The following KIF5C variants were observed in gnomAD, a reference collection of about 807,000 sequenced individuals.
The protein encoded by KIF5C is kinesin family member 5C, also known as kinesin heavy chain isoform 5C.
In KIF5C, 18 loss-of-function variants were observed where a neutral mutation model predicts 125.2. That is an observed-to-expected ratio of 0.14 (90% CI 0.10 to 0.21). The LOEUF is 0.21. Among genes scored for constraint, KIF5C ranks in the 10% least tolerant of loss-of-function variants. The probability of loss-of-function intolerance (pLI) is 1.00; values close to 1 mark genes in which losing one functional copy is unlikely to be tolerated. For synonymous variants in KIF5C, 405 were observed against 434.0 expected (o/e 0.93, Z 0.83); for missense variants, 780 against 1,183.8 (o/e 0.66, Z 5.01).
chr2:149,012,413 A>G (rs1682235530), intron 25 of KIF5C, among the ~76,000 whole-genome samples: 1 of 152,204 alleles, frequency 6.6e-6, no homozygotes, highest in Admixed American at 6.5e-5. Flanking sequence ...GACTTTGAAC[A>G]TGCAGATGGG....
At chr2:148,998,149 G>C (rs912973318) in intron 18 of KIF5C, 8 of 550,418 alleles carry the variant, frequency 1.5e-5, no homozygotes, top group Admixed American at 3.2e-5. Context: ...AAGGTCAAGG[G>C]AACACTTTTT....
chr2:148,895,057 C>G (rs1419134456), intron 1 of KIF5C, among the ~76,000 whole-genome samples: 2 of 151,706 alleles, frequency 1.3e-5, no homozygotes, highest in East Asian at 1.9e-4. Flanking sequence ...ACCCATGAGG[C>G]CACCTTTTGC....
intron 1 of KIF5C, among the ~76,000 whole-genome samples, chr2:148,887,920 T>C (rs991347017): frequency 6.6e-6 from 1 of 152,206 alleles, no homozygotes; most frequent in Non-Finnish European, 1.5e-5. Context: ...AAAAAGAATG[T>C]GTGCTGGAGG....
At chr2:148,990,382 TAGAC>T (rs1215521664) in intron 15 of KIF5C, among the ~76,000 whole-genome samples, 4 of 152,190 alleles carry the variant, frequency 2.6e-5, no homozygotes, top group Non-Finnish European at 5.9e-5. Flanking sequence ...CAAAGGAAAA[TAGAC>T]TGGTAGTAGT....
At chr2:149,000,872 C>T in intron 21 of KIF5C, 90 bp downstream of exon 21, 3 of 1,582,136 alleles carry the variant, frequency 1.9e-6, no homozygotes, top group Non-Finnish European at 1.7e-6. Flanking sequence ...TATCCATGCA[C>T]ACCTTTCTGT....
rs1365415492 is a variant in KIF5C at position 148,875,764 on chromosome 2, C to T, written c.126+21C>T. On this transcript the variant is annotated intron_variant, in intron 1 of 25. Coordinates refer to ENST00000435030, the MANE Select transcript of KIF5C (RefSeq NM_004522.3). ...TCGGGGTAAGTGGCTGGGGCGTCTG[C>T]CTTCCCTGCTGCTCCGCGCCGCAGC... is the stretch of plus-strand genomic sequence containing the variant. 3 of 1,596,770 alleles carry T rather than the reference C, an allele frequency of 1.9e-6. No homozygotes were observed. The South Asian group carries it at 3.4e-5, about 18-fold the overall frequency.
chr2:148,998,793 C>A, intron 19 of KIF5C: 1 of 292,848 alleles, frequency 3.4e-6, no homozygotes, highest in Non-Finnish European at 6.2e-6. Context: ...TGGACGCATG[C>A]CCCAGTAGAT....
rs1682647288 is a variant in KIF5C at position 149,024,952 on chromosome 2, T to C, written c.*1882T>C. On this transcript the variant is annotated 3_prime_UTR_variant, in exon 26 of 26. Transcript: ENST00000435030. ...GCTTCTGATTTGGGAAGCTAAACATTGGTGTTTGAGAGGATTGCCAATTAT... is the reference window on the plus strand; with the variant it reads ...GCTTCTGATTTGGGAAGCTAAACATCGGTGTTTGAGAGGATTGCCAATTAT... 6.6e-6 allele frequency: 1 copy of C among 152,274 alleles called. No homozygotes were observed. The allele number at this position is 152,274 out of a possible 1,614,324, so 9.4% of individuals were successfully genotyped here. A position where few individuals can be genotyped will look rare whatever the true frequency, so the allele number is the denominator to read the frequency against.
At chr2:149,022,245 A>T (rs1464606167) in intron 25 of KIF5C, among the ~76,000 whole-genome samples, 1 of 152,206 alleles carries the variant, frequency 6.6e-6, no homozygotes, top group Non-Finnish European at 1.5e-5. Flanking sequence ...GAGAAAATGC[A>T]TTATGTTACT....
At chr2:148,974,953 C>T (rs571422210) in intron 12 of KIF5C, among the ~76,000 whole-genome samples, 4 of 152,314 alleles carry the variant, frequency 2.6e-5, no homozygotes, top group Non-Finnish European at 5.9e-5. Flanking sequence ...TCAAATCAGA[C>T]ATACGAAATG....
rs1558895357 is a variant in KIF5C at position 148,922,128 on chromosome 2, CT to C, written c.127-3del. 9 of 1,585,912 alleles carry C rather than the reference CT, an allele frequency of 5.7e-6. No individual in the cohort carries two copies. The South Asian group carries it at 5.8e-5, about 10-fold the overall frequency. On this transcript the variant is annotated splice_polypyrimidine_tract_variant and splice_region_variant and intron_variant, in intron 1 of 25. Transcript: ENST00000435030. ...CCACCTTTTTCTTCCCTTTGTCTTT[CT>C]TTTTTAGCAAGGGAAGCCATATGTC...
At chr2:148,978,361 T>TC (rs1226291623) in intron 12 of KIF5C, among the ~76,000 whole-genome samples, 1 of 146,960 alleles carries the variant, frequency 6.8e-6, no homozygotes, top group Non-Finnish European at 1.5e-5. Flanking sequence ...TTTTTTTTTT[T>TC]TAACTGTTAA....
chr2:148,980,759 G>A (rs1251100961), intron 13 of KIF5C, among the ~76,000 whole-genome samples: 1 of 151,882 alleles, frequency 6.6e-6, no homozygotes, highest in Non-Finnish European at 1.5e-5. Flanking sequence ...AGGCTGGAGT[G>A]CAGTGGCATC....
intron 3 of KIF5C, among the ~76,000 whole-genome samples, chr2:148,937,071 C>A (rs906967523): frequency 4.6e-5 from 7 of 152,180 alleles, no homozygotes. Flanking sequence ...AACAAGTGCT[C>A]CCCTGCTGGA....
rs1202479575 is a variant in KIF5C, at chr2:148,907,163, T to C, written c.127-14974T>C. 2.0e-5 allele frequency among the ~76,000 whole-genome samples: 3 copies of C among 152,258 alleles called. No individual in the cohort carries two copies. The South Asian group carries it at 6.2e-4, about 32-fold the overall frequency. On this transcript the variant is annotated intron_variant, in intron 1 of 25. Coordinates refer to ENST00000435030, the MANE Select transcript of KIF5C (RefSeq NM_004522.3). The stretch of plus-strand genomic sequence containing the variant: ...GGGATTGGTCCAATGCTACCTGTTT[T>C]GGTCCCTCTTTGCTGCTGTCCTGTG...
chr2:148,905,474 G>A (rs1275313311), intron 1 of KIF5C, among the ~76,000 whole-genome samples: 2 of 152,200 alleles, frequency 1.3e-5, no homozygotes, highest in East Asian at 3.8e-4. Flanking sequence ...ACAGCTGTGG[G>A]TGCCTTTGCT....
In KIF5C at chr2:149,005,474, CTT is replaced by C. The variant is rs747992977; in HGVS notation, c.2445+12_2445+13del. 1 of 1,613,206 alleles carries C rather than the reference CTT, an allele frequency of 6.2e-7. No homozygotes were observed. The highest frequency in any genetic ancestry group is 1.1e-5 in the South Asian group (1 of 90,708). On this transcript the variant is annotated intron_variant, in intron 22 of 25. Coordinates refer to ENST00000435030, the MANE Select transcript of KIF5C (RefSeq NM_004522.3). The stretch of plus-strand genomic sequence containing the variant: ...CACCCGAGTTAAAAAAGTGAGTTCT[CTT>C]TGTCTGAATGGGACTGAGAAGAAAA...
At chr2:149,013,753 G>A (rs997604141) in intron 25 of KIF5C, among the ~76,000 whole-genome samples, 5 of 152,096 alleles carry the variant, frequency 3.3e-5, no homozygotes, top group African/African-American at 9.7e-5. Flanking sequence ...CTTCTTCATG[G>A]GTTCCAACAA....
intron 1 of KIF5C, among the ~76,000 whole-genome samples, chr2:148,913,599 T>A (rs1401074841): frequency 6.6e-6 from 1 of 152,206 alleles, no homozygotes; most frequent in Non-Finnish European, 1.5e-5. Context: ...TGTTTTTGAT[T>A]TTTTAACTAA....
Sources: gnomAD v4.1 joint callset for allele counts (sites outside exome capture counted in the v4.1 genomes callset) on GRCh38, gnomAD v4.1.1 for gene constraint, MANE v1.5 for transcripts, NCBI Gene and HGNC (gene_info 2026-07-23, HGNC 2026-07-21) for gene names.